PARD3B: variants seen among roughly 807,000 people sequenced by gnomAD.
The protein encoded by PARD3B is par-3 family cell polarity regulator beta, also known as partitioning defective 3 homolog B.
In PARD3B, 103 loss-of-function variants were observed where a neutral mutation model predicts 130.2. The ratio of observed to expected loss-of-function variants is 0.79; its 90% CI spans 0.67 to 0.93. The LOEUF is 0.93. Among genes scored for constraint, PARD3B ranks in the 40% least tolerant of loss-of-function variants. The probability of loss-of-function intolerance (pLI) is 0.00; values close to 1 mark genes in which losing one functional copy is unlikely to be tolerated. For synonymous variants in PARD3B, 583 were observed against 553.2 expected (o/e 1.05, Z -0.76); for missense variants, 1,609 against 1,499.2 (o/e 1.07, Z -1.21).
Position 205,187,536 on chromosome 2 carries a change from A to G in PARD3B, c.2024+1673A>G, listed in dbSNP as rs1343495673. 6.6e-6 allele frequency among the ~76,000 whole-genome samples: 1 copy of G among 152,194 alleles called. No individual in the cohort carries two copies. Among genetic ancestry groups the G allele is most frequent in the African/African-American group, 2.4e-5 (1 of 41,460 alleles). On this transcript the variant is annotated intron_variant, in intron 14 of 22. Coordinates refer to ENST00000406610, the MANE Select transcript of PARD3B (RefSeq NM_001302769.2). This position sits in a 1 kb window ranked among gnomAD's most constrained non-coding sequence, Gnocchi z 4.9. ...GCAACTGCAGTCAGAGGTACTGAGC[A>G]TCTGTGCAGGGGAGGCTAGAGAGAA...
chr2:205,018,326 A>G (rs1304201874), intron 3 of PARD3B, among the ~76,000 whole-genome samples: 1 of 152,136 alleles, frequency 6.6e-6, no homozygotes, highest in Non-Finnish European at 1.5e-5. Flanking sequence ...ATTTACCTTT[A>G]GCATAATTGT....
chr2:204,643,115 C>CAAA (rs71029202), intron 1 of PARD3B, among the ~76,000 whole-genome samples: 670 of 31,780 alleles, frequency 0.021, 61 homozygotes, highest in African/African-American at 0.062. Flanking sequence ...CTCTGTCTCA[C>CAAA]AAAAAAAAAA....
intron 3 of PARD3B, among the ~76,000 whole-genome samples, chr2:205,020,048 T>C (rs1559360831): frequency 6.6e-6 from 1 of 152,122 alleles, no homozygotes; most frequent in East Asian, 1.9e-4. Context: ...CTGAGTGGAT[T>C]GGGGATATTC....
chr2:205,594,629 G>C lies in PARD3B; in HGVS notation c.3261-20827G>C, dbSNP rs140238358. Among the ~76,000 whole-genome samples, 648 of 152,266 alleles carry C rather than the reference G, an allele frequency of 4.3e-3. 1 individual carries two copies. Among genetic ancestry groups the C allele is most frequent in the Non-Finnish European group, 7.6e-3 (519 of 68,022 alleles). On this transcript the variant is annotated intron_variant, in intron 22 of 22. Coordinates refer to ENST00000406610, the MANE Select transcript of PARD3B (RefSeq NM_001302769.2). ...TCACTTGACCATGACCTCCAAGGAA[G>C]GCAAGTCCTGAGATTAAAGAAAAGC...
chr2:205,126,801 G>T (rs2031482311), intron 10 of PARD3B, among the ~76,000 whole-genome samples: 1 of 140,774 alleles, frequency 7.1e-6, no homozygotes, highest in Non-Finnish European at 1.5e-5. Context: ...ATAATAGCAT[G>T]AGAAAATGTT....
Position 205,155,044 on chromosome 2 carries a change from A to G in PARD3B, c.1435-3678A>G, listed in dbSNP as rs1023083084. ...TGTACTCTAGAACTTAAAGTATAATAATAATAAATTTCATTTCAAAAAAAA... is the reference window on the plus strand; with the variant it reads ...TGTACTCTAGAACTTAAAGTATAATGATAATAAATTTCATTTCAAAAAAAA... On this transcript the variant is annotated intron_variant, in intron 10 of 22. Coordinates refer to ENST00000406610, the MANE Select transcript of PARD3B (RefSeq NM_001302769.2). 3.6e-5 allele frequency among the ~76,000 whole-genome samples: 5 copies of G among 137,878 alleles called. No homozygotes were observed. The Admixed American group carries it at 4.0e-4, about 11-fold the overall frequency. The allele number at this position is 137,878 out of a possible 152,430, so 90.5% of individuals were successfully genotyped here.
chr2:205,422,272 G>A (rs1559078641), intron 19 of PARD3B, among the ~76,000 whole-genome samples: 2 of 152,292 alleles, frequency 1.3e-5, no homozygotes, highest in East Asian at 1.9e-4. Context: ...AAGGGAGAGC[G>A]TGGCATAAGC....
intron 1 of PARD3B, among the ~76,000 whole-genome samples, chr2:204,568,954 G>GAAAAAAAAAAAAAAAAAAAAAAAAAA (rs368465299): frequency 7.0e-6 from 1 of 143,342 alleles, no homozygotes; most frequent in African/African-American, 2.7e-5. Context: ...GACTGTCTCA[G>GAAAAAAAAAAAAAAAAAAAAAAAAAA]GAAAAAAAAA....
At chr2:204,642,372 C>T (rs193021401) in intron 1 of PARD3B, among the ~76,000 whole-genome samples, 36 of 152,278 alleles carry the variant, frequency 2.4e-4, no homozygotes, top group Non-Finnish European at 4.4e-5. Flanking sequence ...GGAAATTGGT[C>T]AGAGTGTTGC....
chr2:205,535,532 AATATG>A (rs1390158601), intron 21 of PARD3B, among the ~76,000 whole-genome samples: 2 of 152,178 alleles, frequency 1.3e-5, no homozygotes, highest in Admixed American at 1.3e-4. Flanking sequence ...TAATACCATT[AATATG>A]ATATTTGTTT....
chr2:204,705,629 G>A (rs956160493), intron 2 of PARD3B, among the ~76,000 whole-genome samples: 1 of 152,152 alleles, frequency 6.6e-6, no homozygotes, highest in African/African-American at 2.4e-5. Context: ...TTTAATAGAT[G>A]TCTGTTAAAT....
intron 2 of PARD3B, among the ~76,000 whole-genome samples, chr2:204,715,223 C>T (rs371404153): frequency 5.3e-5 from 8 of 152,060 alleles, no homozygotes; most frequent in African/African-American, 1.9e-4. Flanking sequence ...TACCCAATCA[C>T]TTTTAAAATT....
chr2:204,695,731 A>G (rs1196044049), intron 2 of PARD3B, among the ~76,000 whole-genome samples: 1 of 152,020 alleles, frequency 6.6e-6, no homozygotes, highest in African/African-American at 2.4e-5. Flanking sequence ...ATAGCCCAGA[A>G]AGGGCTTGTG....
chr2:205,081,738 T>C lies in PARD3B; in HGVS notation c.505-22688T>C, dbSNP rs142408988. Among the ~76,000 whole-genome samples the C allele has an allele frequency of 1.9e-4, 29 of 152,242 alleles. 1 individual carries two copies. The East Asian group carries it at 5.6e-3, about 29-fold the overall frequency. ...GCATTCCTGGTGAAAATCGATTTAATTAAGATAATATTATCTTTTGTATAT... is the reference window on the plus strand; with the variant it reads ...GCATTCCTGGTGAAAATCGATTTAACTAAGATAATATTATCTTTTGTATAT... On this transcript the variant is annotated intron_variant, in intron 4 of 22. Transcript: ENST00000406610.
chr2:204,794,476 T>A (rs1269130836), intron 2 of PARD3B, among the ~76,000 whole-genome samples: 1 of 152,142 alleles, frequency 6.6e-6, no homozygotes, highest in Non-Finnish European at 1.5e-5. Flanking sequence ...GGAGTGGAAC[T>A]GGCTTGTAGT....
At chr2:205,155,830 C>T (rs2034084279) in intron 10 of PARD3B, among the ~76,000 whole-genome samples, 1 of 152,108 alleles carries the variant, frequency 6.6e-6, no homozygotes, top group Non-Finnish European at 1.5e-5. Context: ...TGTTTTTTGG[C>T]TGCATAAGTG....
intron 10 of PARD3B, among the ~76,000 whole-genome samples, chr2:205,145,228 T>A (rs966029260): frequency 6.6e-6 from 1 of 152,138 alleles, no homozygotes; most frequent in Non-Finnish European, 1.5e-5. Context: ...TAAGATTATA[T>A]TTTTTAACTA....
At chr2:204,813,530 A>G (rs777715000) in intron 2 of PARD3B, among the ~76,000 whole-genome samples, 18 of 152,016 alleles carry the variant, frequency 1.2e-4, no homozygotes, top group Admixed American at 4.6e-4. Flanking sequence ...TATTTTCATG[A>G]TGTTCAATTT....
At chr2:205,119,483 A>C (rs1258825099) in intron 7 of PARD3B, among the ~76,000 whole-genome samples, 1 of 152,156 alleles carries the variant, frequency 6.6e-6, no homozygotes, top group Non-Finnish European at 1.5e-5. Flanking sequence ...AACAGAAAAA[A>C]TAAAATACCG....
Sources: gnomAD v4.1 joint callset for allele counts (sites outside exome capture counted in the v4.1 genomes callset) on GRCh38, gnomAD v4.1.1 for gene constraint, Gnocchi (gnomAD v3.1) non-coding constraint, MANE v1.5 for transcripts, NCBI Gene and HGNC (gene_info 2026-07-23, HGNC 2026-07-21) for gene names.